The following TP73 variants were observed in gnomAD, a reference collection of about 807,000 sequenced individuals.
TP73 encodes the protein p53-like transcription factor.
TP73 carries 25 observed loss-of-function variants against 62.5 expected under a neutral mutation model. The observed-to-expected ratio is 0.40, with a 90% CI of 0.29 to 0.56. The LOEUF (loss-of-function observed/expected upper bound fraction) is 0.56, where lower values mean the gene tolerates loss of function less well. TP73 is among the 20% of genes least tolerant of loss of function. TP73 has a pLI of 0.46. For missense variants in TP73, 754 were observed against 913.3 expected (o/e 0.83, Z 2.25); for synonymous variants, 423 against 377.5 (o/e 1.12, Z -1.40).
intron 3 of TP73, among the ~76,000 whole-genome samples, chr1:3,685,733 G>A (rs753556273): frequency 6.6e-6 from 1 of 152,234 alleles, no homozygotes; most frequent in Non-Finnish European, 1.5e-5. Context: ...TCCCAGAGTG[G>A]GGCTGGAGCT....
intron 3 of TP73, among the ~76,000 whole-genome samples, chr1:3,689,478 C>T (rs1367831366): frequency 1.3e-5 from 2 of 152,122 alleles, no homozygotes; most frequent in Admixed American, 1.3e-4. Context: ...CACCTGGAAT[C>T]GTCCTTTCGT....
rs571459852 is a variant in TP73, at chr1:3,722,671, G to A, written c.616+464G>A. On this transcript the variant is annotated intron_variant, in intron 5 of 13. Coordinates refer to ENST00000378295, the MANE Select transcript of TP73 (RefSeq NM_005427.4). ...TGCGATGCACCTGGCACAGCTGGGC[G>A]CCTCTCTGCACCTGGCACAGGGGTG... Among the ~76,000 whole-genome samples, 134 of 151,456 alleles carry A rather than the reference G, an allele frequency of 8.8e-4. 2 individuals are homozygous for A. The highest frequency in any genetic ancestry group is 3.4e-4 in the African/African-American group (14 of 41,080).
At chr1:3,707,464 G>A (rs1278934976) in intron 3 of TP73, 85 bp from the exon 4 acceptor site, 3 of 1,527,394 alleles carry the variant, frequency 2.0e-6, no homozygotes, top group East Asian at 2.3e-5. Context: ...GCCCTTTAAG[G>A]CTCCTGTAAC....
chr1:3,697,162 A>G (rs1267148014), intron 3 of TP73, among the ~76,000 whole-genome samples: 4 of 107,496 alleles, frequency 3.7e-5, no homozygotes, highest in African/African-American at 1.3e-4. Context: ...CCCACCTCGC[A>G]CCCGCGGCCC....
intron 1 of TP73, among the ~76,000 whole-genome samples, chr1:3,661,326 A>T (rs1644982414): frequency 6.6e-6 from 1 of 152,212 alleles, no homozygotes. Flanking sequence ...AGAATCCCAG[A>T]TCATTATGAA....
chr1:3,718,925 T>C (rs999063658), intron 4 of TP73, among the ~76,000 whole-genome samples: 1 of 152,050 alleles, frequency 6.6e-6, no homozygotes, highest in African/African-American at 2.4e-5. Context: ...GAGGGCGCAG[T>C]AGCCACTAAC....
intron 1 of TP73, among the ~76,000 whole-genome samples, chr1:3,665,807 A>C (rs12755108): frequency 2.2e-5 from 3 of 136,228 alleles, no homozygotes; most frequent in African/African-American, 5.5e-5. Context: ...GGCATGAACC[A>C]CCGTGCCCGG....
intron 13 of TP73, among the ~76,000 whole-genome samples, chr1:3,732,524 G>T (rs777815963): frequency 9.3e-5 from 14 of 150,208 alleles, no homozygotes; most frequent in Non-Finnish European, 2.0e-4. Flanking sequence ...GGGCCAGGTA[G>T]ATGCTCAGGG....
At chr1:3,680,165 C>T (rs1645487555) in intron 1 of TP73, among the ~76,000 whole-genome samples, 1 of 152,246 alleles carries the variant, frequency 6.6e-6, no homozygotes. Flanking sequence ...CACAGGCTGA[C>T]AGATGAGGTC....
rs1010493312 is a variant in TP73 at position 3,707,899 on chromosome 1, T to C, written c.429+108T>C. On this transcript the variant is annotated intron_variant, in intron 4 of 13. Transcript: ENST00000378295. ...GGTCTGAGCTCGCCCCACTGTCTGC[T>C]CGGGGTTCCCACCTGGCCCGGGCCA... 8 of 1,474,092 alleles carry C rather than the reference T, an allele frequency of 5.4e-6. No individual in the cohort carries two copies. In the African/African-American group the frequency reaches 1.1e-4, roughly 21 times the overall value. 91.3% of individuals were successfully genotyped at this position (1,474,092 alleles called of 1,614,324 possible). A position where few individuals can be genotyped will look rare whatever the true frequency, so the allele number is the denominator to read the frequency against.
intron 5 of TP73, 25 bp from the exon 6 acceptor site, chr1:3,723,329 C>T (rs557614089): frequency 3.1e-6 from 5 of 1,600,176 alleles, no homozygotes; most frequent in East Asian, 2.2e-5. Flanking sequence ...ATGCACCTCT[C>T]TGAAGTGTCG....
intron 3 of TP73, among the ~76,000 whole-genome samples, chr1:3,697,198 A>C: frequency 6.7e-6 from 1 of 148,856 alleles, no homozygotes; most frequent in African/African-American, 2.5e-5. Flanking sequence ...CCCACCTCGC[A>C]CCCACTGCTC....
intron 1 of TP73, among the ~76,000 whole-genome samples, chr1:3,676,871 T>C (rs189148680): frequency 6.6e-6 from 1 of 151,876 alleles, no homozygotes; most frequent in Non-Finnish European, 1.5e-5. Context: ...CGTTCTGCTG[T>C]GGGCAGCTGC....
intron 4 of TP73, among the ~76,000 whole-genome samples, chr1:3,712,643 A>G (rs1267782195): frequency 6.6e-6 from 1 of 152,168 alleles, no homozygotes; most frequent in East Asian, 1.9e-4. Flanking sequence ...TTTAGGAAGA[A>G]TCATCTATTT....
intron 3 of TP73, chr1:3,690,617 G>A (rs775922587): frequency 3.4e-5 from 44 of 1,304,230 alleles, no homozygotes; most frequent in Non-Finnish European, 3.7e-5. Context: ...GGCCTGCCCC[G>A]GACTTGGATG....
In TP73 at chr1:3,701,415, G is replaced by A. The variant is rs189591442; in HGVS notation, c.187-6134G>A. Among the ~76,000 whole-genome samples, 34 of 152,240 alleles carry A rather than the reference G, an allele frequency of 2.2e-4. No homozygotes were observed. The highest frequency in any genetic ancestry group is 6.3e-4 in the African/African-American group (26 of 41,534). On this transcript the variant is annotated intron_variant, in intron 3 of 13. Transcript: ENST00000378295. This position sits in a 1 kb window ranked among gnomAD's most constrained non-coding sequence, Gnocchi z 4.7. The stretch of plus-strand genomic sequence containing the variant: ...GGACATTGGTTCCAGGAGGGCTCCC[G>A]GGCGAGAGTCACTTCCGATGAAGTC...
At chr1:3,688,136 G>A (rs1645712071) in intron 3 of TP73, among the ~76,000 whole-genome samples, 1 of 152,088 alleles carries the variant, frequency 6.6e-6, no homozygotes, top group Non-Finnish European at 1.5e-5. Context: ...AGCAGGGAGG[G>A]GGCTCAGCTC....
intron 3 of TP73, among the ~76,000 whole-genome samples, chr1:3,706,511 GGA>G (rs960426339): frequency 6.9e-6 from 1 of 145,602 alleles, no homozygotes; most frequent in African/African-American, 2.5e-5. Flanking sequence ...GCAGGCCCGG[GGA>G]GAGGGGGGTA....
At chr1:3,723,298 A>T in intron 5 of TP73, 56 bp from the exon 6 acceptor site, 1 of 1,425,442 alleles carries the variant, frequency 7.0e-7, no homozygotes, top group Non-Finnish European at 9.8e-7. Context: ...CTCTGCACCT[A>T]GCACAGGGGT....
Sources: gnomAD v4.1 joint callset for allele counts (sites outside exome capture counted in the v4.1 genomes callset) on GRCh38, gnomAD v4.1.1 for gene constraint, Gnocchi (gnomAD v3.1) non-coding constraint, MANE v1.5 for transcripts, NCBI Gene and HGNC (gene_info 2026-07-23, HGNC 2026-07-21) for gene names.